SETBP1: variants seen among roughly 807,000 people sequenced by gnomAD.
SETBP1 encodes the protein SET-binding protein.
In SETBP1, 9 loss-of-function variants were observed where a neutral mutation model predicts 101.0. That is an observed-to-expected ratio of 0.09 (90% CI 0.05 to 0.16). The LOEUF (loss-of-function observed/expected upper bound fraction) is 0.16, where lower values mean the gene tolerates loss of function less well. Among genes scored for constraint, SETBP1 ranks in the 10% least tolerant of loss-of-function variants. The probability of loss-of-function intolerance (pLI) is 1.00; values close to 1 mark genes in which losing one functional copy is unlikely to be tolerated. For missense variants in SETBP1, 1,858 were observed against 2,033.8 expected (o/e 0.91, Z 1.66); for synonymous variants, 818 against 788.5 (o/e 1.04, Z -0.63).
chr18:44,978,375 G>T (rs1371446978), intron 4 of SETBP1, among the ~76,000 whole-genome samples: 1 of 152,144 alleles, frequency 6.6e-6, no homozygotes, highest in African/African-American at 2.4e-5. Flanking sequence ...CGTGCAGGGG[G>T]AAACCATAAC....
chr18:44,835,762 G>T (rs2072482807), intron 2 of SETBP1, among the ~76,000 whole-genome samples: 1 of 152,226 alleles, frequency 6.6e-6, no homozygotes, highest in Admixed American at 6.5e-5. Flanking sequence ...GTGACTTCCA[G>T]ACCAACTCTG....
chr18:44,964,398 A>G (rs953081545), intron 4 of SETBP1, among the ~76,000 whole-genome samples: 1 of 152,080 alleles, frequency 6.6e-6, no homozygotes, highest in African/African-American at 2.4e-5. Context: ...TATGTAAGGG[A>G]CACCTTGTCA....
intron 4 of SETBP1, among the ~76,000 whole-genome samples, chr18:44,968,360 A>G (rs2071767146): frequency 6.6e-6 from 1 of 152,230 alleles, no homozygotes; most frequent in South Asian, 2.1e-4. Context: ...CAAGAAGAAG[A>G]AAAAGCAAAT....
At chr18:44,682,984 G>A (rs2068784365) in intron 1 of SETBP1, among the ~76,000 whole-genome samples, 1 of 151,726 alleles carries the variant, frequency 6.6e-6, no homozygotes, top group African/African-American at 2.4e-5. Flanking sequence ...GAAAATAGAT[G>A]TATCTCTGGA....
chr18:44,993,048 A>G (rs558769176), intron 4 of SETBP1, among the ~76,000 whole-genome samples: 208 of 152,186 alleles, frequency 1.4e-3, no homozygotes, highest in Middle Eastern at 3.4e-3. Context: ...AGAACAAAGG[A>G]AAAAAAGACA....
chr18:44,695,895 A>T (rs1359189450), intron 1 of SETBP1, among the ~76,000 whole-genome samples: 5 of 150,740 alleles, frequency 3.3e-5, no homozygotes, highest in African/African-American at 1.2e-4. Flanking sequence ...TGAGACACTG[A>T]GGCTGAAAGA....
chr18:44,801,214 G>T (rs12604466), intron 2 of SETBP1, among the ~76,000 whole-genome samples: 10,383 of 151,992 alleles, frequency 0.068, 410 homozygotes, highest in East Asian at 0.14. Flanking sequence ...ACACCAACAT[G>T]GCACATGTAT....
intron 4 of SETBP1, among the ~76,000 whole-genome samples, chr18:44,971,561 C>T (rs1315836546): frequency 5.9e-5 from 9 of 152,282 alleles, no homozygotes; most frequent in East Asian, 3.9e-4. Flanking sequence ...TTTTAATGAT[C>T]GCCATTCTAA....
intron 2 of SETBP1, among the ~76,000 whole-genome samples, chr18:44,828,680 C>A (rs2072290589): frequency 6.6e-6 from 1 of 152,192 alleles, no homozygotes. Context: ...AAATTGTGTT[C>A]CCTTCCACCC....
chr18:44,689,098 G>A (rs570437611), intron 1 of SETBP1, among the ~76,000 whole-genome samples: 6 of 152,184 alleles, frequency 3.9e-5, no homozygotes, highest in Non-Finnish European at 8.8e-5. Context: ...ATCAGGCCTA[G>A]GGTATAGTCA....
intron 2 of SETBP1, among the ~76,000 whole-genome samples, chr18:44,790,944 A>T (rs2071359129): frequency 6.6e-6 from 1 of 152,210 alleles, no homozygotes; most frequent in Non-Finnish European, 1.5e-5. Context: ...AAAAATTATT[A>T]AAAATATGCT....
At chr18:44,823,486 G>A (rs2072163123) in intron 2 of SETBP1, among the ~76,000 whole-genome samples, 1 of 152,162 alleles carries the variant, frequency 6.6e-6, no homozygotes, top group African/African-American at 2.4e-5. Context: ...CTTATGCCTA[G>A]CTCTATCATT....
At chr18:44,850,902 C>T (rs2072842117) in intron 2 of SETBP1, among the ~76,000 whole-genome samples, 1 of 152,154 alleles carries the variant, frequency 6.6e-6, no homozygotes, top group South Asian at 2.1e-4. Context: ...CTATTCTAGC[C>T]AAGGAGAGTG....
chr18:44,834,788 C>T (rs1177896908), intron 2 of SETBP1, among the ~76,000 whole-genome samples: 1 of 152,164 alleles, frequency 6.6e-6, no homozygotes, highest in Non-Finnish European at 1.5e-5. Flanking sequence ...ACTAAAAATA[C>T]AACCAGATAC....
intron 4 of SETBP1, among the ~76,000 whole-genome samples, chr18:44,998,919 G>A (rs889614937): frequency 1.3e-5 from 2 of 152,194 alleles, no homozygotes; most frequent in Non-Finnish European, 2.9e-5. Flanking sequence ...CATGGACAGA[G>A]CTTTCTAGAC....
rs1364913283 is a variant in SETBP1, at chr18:44,907,626, C to G, written c.540+38343C>G. ...TGCTGATGATGTTGATCATCTTTTCCTGTGCTTCTGGCCATATGTATATTT... is the reference window on the plus strand; with the variant it reads ...TGCTGATGATGTTGATCATCTTTTCGTGTGCTTCTGGCCATATGTATATTT... On this transcript the variant is annotated intron_variant, in intron 3 of 5. Coordinates refer to ENST00000649279, the MANE Select transcript of SETBP1 (RefSeq NM_015559.3). Among the ~76,000 whole-genome samples, 3 of 152,140 alleles carry G rather than the reference C, an allele frequency of 2.0e-5. No homozygotes were observed. In the East Asian group the frequency reaches 5.8e-4, roughly 29 times the overall value.
At chr18:44,875,485 C>T (rs574800971) in intron 3 of SETBP1, among the ~76,000 whole-genome samples, 15 of 145,482 alleles carry the variant, frequency 1.0e-4, no homozygotes, top group Middle Eastern at 3.5e-3. Context: ...GCCGAGATCG[C>T]GCCGCTGCAC....
In SETBP1 at chr18:45,032,639, G is replaced by A. The variant is rs145195384; in HGVS notation, c.4001-5846G>A. Among the ~76,000 whole-genome samples, 360 of 152,274 alleles carry A rather than the reference G, an allele frequency of 2.4e-3. 2 individuals are homozygous for A. The highest frequency in any genetic ancestry group is 8.2e-3 in the African/African-American group (340 of 41,562). On this transcript the variant is annotated intron_variant, in intron 4 of 5. Transcript: ENST00000649279. ...TGTTCACAGGTGCCTGGCATGGGAGGAGAATGGGGATAAAATCCATCCTGT... is the reference window on the plus strand; with the variant it reads ...TGTTCACAGGTGCCTGGCATGGGAGAAGAATGGGGATAAAATCCATCCTGT...
chr18:45,027,163 A>C (rs981363631), intron 4 of SETBP1, among the ~76,000 whole-genome samples: 1 of 152,232 alleles, frequency 6.6e-6, no homozygotes, highest in Admixed American at 6.5e-5. Context: ...TACTGCATAG[A>C]GTAAAATACT....
Sources: gnomAD v4.1 joint callset for allele counts (sites outside exome capture counted in the v4.1 genomes callset) on GRCh38, gnomAD v4.1.1 for gene constraint, MANE v1.5 for transcripts, NCBI Gene and HGNC (gene_info 2026-07-23, HGNC 2026-07-21) for gene names.